Variants in NFIA observed in about 807,000 individuals in gnomAD.
NFIA encodes the protein nuclear factor 1 A-type.
In NFIA, 8 loss-of-function variants were observed where a neutral mutation model predicts 62.8. The observed-to-expected ratio is 0.13, with a 90% confidence interval of 0.07 to 0.23. The LOEUF is 0.23. Among genes scored for constraint, NFIA ranks in the 10% least tolerant of loss-of-function variants. The probability of loss-of-function intolerance (pLI) is 1.00; values close to 1 mark genes in which losing one functional copy is unlikely to be tolerated. For missense variants in NFIA, 410 were observed against 642.1 expected, an observed-to-expected ratio of 0.64 and a Z score of 3.91; for synonymous variants, 235 against 238.1, an observed-to-expected ratio of 0.99 and a Z score of 0.12.
chr1:61,453,789 C>T (rs762768417), intron 10 of NFIA, among the ~76,000 whole-genome samples: 10 of 152,142 alleles, frequency 6.6e-5, no homozygotes, highest in Middle Eastern at 6.3e-3. Context: ...TTGGGGTTTG[C>T]TTTCTCTCTC....
chr1:61,353,278 T>C (rs1010494875), intron 5 of NFIA, among the ~76,000 whole-genome samples: 1 of 152,130 alleles, frequency 6.6e-6, no homozygotes, highest in East Asian at 1.9e-4. Context: ...CCCCATTGTA[T>C]TGAGAGACCT....
At chr1:61,278,498 T>G (rs1185719491) in intron 3 of NFIA, among the ~76,000 whole-genome samples, 1 of 152,172 alleles carries the variant, frequency 6.6e-6, no homozygotes, top group African/African-American at 2.4e-5. Flanking sequence ...GATTAAAAGC[T>G]CAGGCTGTGG....
At chr1:61,368,437 A>G (rs1344979719) in intron 6 of NFIA, among the ~76,000 whole-genome samples, 1 of 152,240 alleles carries the variant, frequency 6.6e-6, no homozygotes, top group Non-Finnish European at 1.5e-5. Flanking sequence ...TTAAAGAGGA[A>G]AAAGTACAAA....
chr1:61,094,766 C>A (rs549492414), intron 2 of NFIA, among the ~76,000 whole-genome samples: 1 of 152,202 alleles, frequency 6.6e-6, no homozygotes, highest in Non-Finnish European at 1.5e-5. Context: ...TTAGATTTTC[C>A]CCAAAATATT....
intron 6 of NFIA, among the ~76,000 whole-genome samples, chr1:61,375,530 G>C (rs771566969): frequency 6.6e-6 from 1 of 152,142 alleles, no homozygotes; most frequent in Non-Finnish European, 1.5e-5. Context: ...TACATAAGTA[G>C]TACTCCCCCG....
chr1:61,370,223 A>G (rs1004885407), intron 6 of NFIA, among the ~76,000 whole-genome samples: 2 of 152,230 alleles, frequency 1.3e-5, no homozygotes, highest in African/African-American at 2.4e-5. Flanking sequence ...TGTCCATCCA[A>G]GGATTTTAGA....
chr1:61,283,751 T>TTTAA (rs1658311341), intron 3 of NFIA, among the ~76,000 whole-genome samples: 1 of 152,090 alleles, frequency 6.6e-6, no homozygotes, highest in Non-Finnish European at 1.5e-5. Context: ...TGTTTTAAAT[T>TTTAA]GTTTTTACTA....
At chr1:61,341,508 T>G (rs922058274) in intron 4 of NFIA, among the ~76,000 whole-genome samples, 1 of 152,182 alleles carries the variant, frequency 6.6e-6, no homozygotes, top group African/African-American at 2.4e-5. Context: ...AGACAGAGTC[T>G]CACTCTGTTG....
chr1:61,409,701 A>G (rs17122181), intron 9 of NFIA, among the ~76,000 whole-genome samples: 1,672 of 152,334 alleles, frequency 0.011, 30 homozygotes, highest in African/African-American at 0.039. Context: ...CGCTGGCAGG[A>G]CTAGACCACA....
At chr1:61,317,277 T>C (rs11207722) in intron 3 of NFIA, among the ~76,000 whole-genome samples, 9,717 of 152,204 alleles carry the variant, frequency 0.064, 325 homozygotes, top group South Asian at 0.12. Context: ...GCAAGTAAGA[T>C]TGACCTAACG....
At chr1:61,117,186 A>G (rs1296318143) in intron 2 of NFIA, among the ~76,000 whole-genome samples, 1 of 152,206 alleles carries the variant, frequency 6.6e-6, no homozygotes, top group African/African-American at 2.4e-5. Flanking sequence ...TTTGTGTTAT[A>G]CTAGGAATTC....
intron 2 of NFIA, among the ~76,000 whole-genome samples, chr1:61,268,805 T>C (rs1657334220): frequency 6.6e-6 from 1 of 152,140 alleles, no homozygotes; most frequent in Non-Finnish European, 1.5e-5. Flanking sequence ...TGCAGGTGTG[T>C]CATCTGATCC....
chr1:61,119,340 T>C (rs1267412070), intron 2 of NFIA, among the ~76,000 whole-genome samples: 1 of 152,216 alleles, frequency 6.6e-6, no homozygotes, highest in African/African-American at 2.4e-5. Context: ...CTTTATCATA[T>C]GAGGTAATTC....
chr1:61,397,543 G>A (rs190346092), intron 7 of NFIA, among the ~76,000 whole-genome samples: 120 of 152,218 alleles, frequency 7.9e-4, no homozygotes, highest in Non-Finnish European at 1.0e-4. Flanking sequence ...TCTTGTCTAT[G>A]ATAGTACTAT....
chr1:61,402,246 C>T (rs1665604343), intron 7 of NFIA, among the ~76,000 whole-genome samples: 1 of 151,682 alleles, frequency 6.6e-6, no homozygotes. Context: ...CACCGTGTTA[C>T]CCAGGGTGGT....
At chr1:61,214,754 A>G (rs937665030) in intron 2 of NFIA, among the ~76,000 whole-genome samples, 2 of 152,188 alleles carry the variant, frequency 1.3e-5, no homozygotes, top group African/African-American at 4.8e-5. Flanking sequence ...GTCTTATGTC[A>G]TATTTGACAT....
intron 3 of NFIA, among the ~76,000 whole-genome samples, chr1:61,331,927 T>A (rs866619531): frequency 5.3e-5 from 8 of 152,210 alleles, no homozygotes; most frequent in Non-Finnish European, 8.8e-5. Flanking sequence ...CAAAAAAAAA[T>A]TTGGGGTGTA....
intron 2 of NFIA, among the ~76,000 whole-genome samples, chr1:61,093,119 A>G (rs1646349230): frequency 6.6e-6 from 1 of 152,202 alleles, no homozygotes; most frequent in East Asian, 1.9e-4. Flanking sequence ...AACTTCCTAC[A>G]TTAGTTTGAG....
rs766670837 is a variant in NFIA at position 61,332,597 on chromosome 1, T to C, written c.700+11T>C. Reference sequence around the variant, plus strand: ...TAAGAGTGTCACAGAGTAAGTATAATTTTGCTTTGATTTGGTACAGATTTG... The same window carrying C: ...TAAGAGTGTCACAGAGTAAGTATAACTTTGCTTTGATTTGGTACAGATTTG... On this transcript the variant is annotated intron_variant, in intron 4 of 10. Transcript: ENST00000403491. The C allele has an allele frequency of 6.8e-6, 11 of 1,613,176 alleles. No homozygotes were observed. The South Asian group carries it at 1.2e-4, about 18-fold the overall frequency.
Sources: allele counts gnomAD v4.1 joint callset (sites outside exome capture counted in the v4.1 genomes callset), GRCh38; gene constraint gnomAD v4.1.1; transcripts MANE v1.5; gene names NCBI Gene and HGNC (gene_info 2026-07-23, HGNC 2026-07-21).